CEP70: variants seen among roughly 807,000 people sequenced by gnomAD.
CEP70 encodes the protein centrosomal protein 70.
A neutral mutation model predicts 90.9 loss-of-function variants in CEP70; 70 were observed. The observed-to-expected ratio is 0.77, with a 90% CI of 0.64 to 0.94. The LOEUF (loss-of-function observed/expected upper bound fraction) is 0.94. CEP70 is among the 40% of genes least tolerant of loss of function. The pLI, the probability that CEP70 is intolerant of heterozygous loss-of-function variation, is 0.00. For synonymous variants in CEP70, 220 were observed against 228.3 expected (o/e 0.96, Z 0.33); for missense variants, 648 against 669.0 (o/e 0.97, Z 0.35).
At chr3:138,537,831 T>C (rs2038414113) in intron 6 of CEP70, among the ~76,000 whole-genome samples, 3 of 152,118 alleles carry the variant, frequency 2.0e-5, no homozygotes, top group Admixed American at 2.0e-4. Context: ...ATGGCAAAGT[T>C]GAAGCAATCT....
At chr3:138,592,186 CTGG>C (rs975158086) in intron 1 of CEP70, among the ~76,000 whole-genome samples, 2 of 152,164 alleles carry the variant, frequency 1.3e-5, no homozygotes, top group African/African-American at 4.8e-5. Context: ...AGACATTTAG[CTGG>C]GTATCCAAAT....
At chr3:138,583,793 G>A (rs747762656) in intron 2 of CEP70, among the ~76,000 whole-genome samples, 1 of 151,958 alleles carries the variant, frequency 6.6e-6, no homozygotes, top group Non-Finnish European at 1.5e-5. Flanking sequence ...AAAACCTATG[G>A]GATACAGTGA....
intron 11 of CEP70, among the ~76,000 whole-genome samples, chr3:138,521,712 G>T (rs2036666106): frequency 1.3e-5 from 2 of 151,460 alleles, no homozygotes; most frequent in African/African-American, 2.4e-5. Flanking sequence ...GGGGTGGGGA[G>T]ACCCTCTGCC....
intron 13 of CEP70, among the ~76,000 whole-genome samples, chr3:138,503,887 T>C (rs773409987): frequency 1.3e-5 from 2 of 152,228 alleles, no homozygotes; most frequent in Non-Finnish European, 2.9e-5. Flanking sequence ...CCTTTAACGA[T>C]ATAAATGATT....
intron 2 of CEP70, among the ~76,000 whole-genome samples, chr3:138,578,437 AG>A (rs1352629656): frequency 1.3e-5 from 2 of 152,202 alleles, no homozygotes; most frequent in Non-Finnish European, 1.5e-5. Context: ...TGAAACCAGA[AG>A]GGGTTTTACC....
At chr3:138,592,025 G>T in intron 1 of CEP70, 69 bp from the exon 2 acceptor site, 2 of 585,660 alleles carry the variant, frequency 3.4e-6, no homozygotes, top group Non-Finnish European at 5.9e-6. Context: ...ATGGTCTTGT[G>T]TTACTCCCAG....
At chr3:138,561,902 T>G (rs957848897) in intron 6 of CEP70, among the ~76,000 whole-genome samples, 1 of 151,476 alleles carries the variant, frequency 6.6e-6, no homozygotes, top group Admixed American at 6.6e-5. Flanking sequence ...CAGGCACCTG[T>G]AGTCCCAGCT....
chr3:138,573,192 A>G (rs2041297746), intron 2 of CEP70, among the ~76,000 whole-genome samples: 7 of 151,946 alleles, frequency 4.6e-5, no homozygotes. Context: ...CACATATACC[A>G]CACACACACA....
Position 138,523,461 on chromosome 3 carries a change from T to A in CEP70, c.944+2029A>T, listed in dbSNP as rs546897103. ...TCCCTGTTTGCAGATGACATGATTG[T>A]ATATCTAGAAAACCCCATTGTCTCA... On this transcript the variant is annotated intron_variant, in intron 11 of 17. Transcript: ENST00000264982. 2.0e-5 allele frequency among the ~76,000 whole-genome samples: 3 copies of A among 152,224 alleles called. No individual in the cohort carries two copies. The East Asian group carries it at 5.8e-4, about 29-fold the overall frequency.
rs773088061 is a variant in CEP70 at position 138,571,061 on chromosome 3, T to G, written c.257A>C (p.Glu86Ala). Residue 86 changes from glutamate (E) to alanine (A), a missense_variant, in exon 5 of 18, where the codon GAG becomes GCG. Transcript: ENST00000264982. ...ETSCQQNMIQ[E>A]LIETNQQLRN... is the part of the protein sequence containing the mutation. Reference sequence around the variant, plus strand: ...AAGCTGTTGATTAGTTTCTATAAGCTCCTGTATCATGTTCTGTTGACATGA... The same window carrying G: ...AAGCTGTTGATTAGTTTCTATAAGCGCCTGTATCATGTTCTGTTGACATGA... 6.2e-7 allele frequency: 1 copy of G among 1,604,984 alleles called. No individual in the cohort carries two copies. Among genetic ancestry groups the G allele is most frequent in the Non-Finnish European group, 8.5e-7 (1 of 1,175,824 alleles).
In CEP70 at chr3:138,541,795, G is replaced by A. The variant is rs542127878; in HGVS notation, c.466-4448C>T. On this transcript the variant is annotated intron_variant, in intron 6 of 17. Coordinates refer to ENST00000264982, the MANE Select transcript of CEP70 (RefSeq NM_024491.4). ...CCAGCACTTTGGGAGGCAGAGGCAG[G>A]CAGATTGCTTGAGCTCAGGAATTTG... is the stretch of plus-strand genomic sequence containing the variant. 1.3e-3 allele frequency among the ~76,000 whole-genome samples: 195 copies of A among 152,320 alleles called. 1 individual carries two copies. Among genetic ancestry groups the A allele is most frequent in the African/African-American group, 3.9e-3 (164 of 41,582 alleles).
chr3:138,523,779 C>T (rs10092865), intron 11 of CEP70, among the ~76,000 whole-genome samples: 5 of 152,030 alleles, frequency 3.3e-5, no homozygotes, highest in African/African-American at 9.7e-5. Context: ...GAATCAATAT[C>T]GTGAAAATGG....
At chr3:138,525,687 A>G in intron 10 of CEP70, 123 bp from the exon 11 acceptor site, 1 of 385,604 alleles carries the variant, frequency 2.6e-6, no homozygotes. Context: ...AGCTTCTGAA[A>G]ATATTTCATG....
intron 6 of CEP70, among the ~76,000 whole-genome samples, chr3:138,563,424 T>A (rs2040554508): frequency 6.6e-6 from 1 of 152,140 alleles, no homozygotes; most frequent in South Asian, 2.1e-4. Context: ...ACACTTATTC[T>A]AAAATTGACT....
intron 6 of CEP70, among the ~76,000 whole-genome samples, chr3:138,551,857 A>T (rs1254183404): frequency 6.6e-6 from 1 of 152,188 alleles, no homozygotes; most frequent in East Asian, 1.9e-4. Context: ...AAATTGCCTA[A>T]ATGCTCCACT....
At chr3:138,534,929 T>C (rs375769474) in intron 7 of CEP70, among the ~76,000 whole-genome samples, 1 of 152,144 alleles carries the variant, frequency 6.6e-6, no homozygotes, top group African/African-American at 2.4e-5. Flanking sequence ...GTCTCTCCCT[T>C]TTTTTTGGTC....
intron 12 of CEP70, among the ~76,000 whole-genome samples, chr3:138,506,633 C>T (rs1330838943): frequency 1.3e-5 from 2 of 152,100 alleles, no homozygotes; most frequent in East Asian, 1.9e-4. Context: ...ACTAATAGGC[C>T]TCCTGGTAAT....
chr3:138,537,001 CAA>C (rs57447148), intron 7 of CEP70, 175 bp downstream of exon 7: 8,073 of 246,548 alleles, frequency 0.033, no homozygotes, highest in East Asian at 0.045. Flanking sequence ...ACCTCTAGAA[CAA>C]AAAAAAAAAA....
At position 138,500,745 on chromosome 3, in the gene CEP70, T is replaced by C. The variant is rs1179911036; in HGVS notation, c.1358A>G (p.Asn453Ser). The change falls in exon 14 of 18, where the codon AAT (asparagine) becomes AGT (serine). Residue 453 changes from asparagine (N) to serine (S), a missense_variant. Coordinates refer to ENST00000264982, the MANE Select transcript of CEP70 (RefSeq NM_024491.4). ...IVDTMLEEVE[N>S]KEKDSNMPHF... ...TCATGTAGGTATTACCTTTTCCTTATTTTCAACTTCTTCCAGCATAGTATC... is the reference window on the plus strand; with the variant it reads ...TCATGTAGGTATTACCTTTTCCTTACTTTCAACTTCTTCCAGCATAGTATC... The C allele has an allele frequency of 5.6e-6, 9 of 1,594,224 alleles. No individual in the cohort carries two copies. The East Asian group carries it at 1.3e-4, about 24-fold the overall frequency.
Sources: gnomAD v4.1 joint callset for allele counts (sites outside exome capture counted in the v4.1 genomes callset) on GRCh38, gnomAD v4.1.1 for gene constraint, MANE v1.5 for transcripts, NCBI Gene and HGNC (gene_info 2026-07-23, HGNC 2026-07-21) for gene names.